SULF2: variants seen among roughly 807,000 people sequenced by gnomAD.
SULF2 encodes extracellular sulfatase Sulf-2.
A neutral mutation model predicts 107.7 loss-of-function variants in SULF2; 52 were observed. The observed-to-expected ratio is 0.48, with a 90% CI of 0.39 to 0.61. SULF2 has a LOEUF of 0.61. Ranked by LOEUF, SULF2 falls within the 20% of genes least tolerant of loss-of-function variation. The pLI is 0.00. For synonymous variants in SULF2, 460 were observed against 464.3 expected, an observed-to-expected ratio of 0.99 and a Z score of 0.12; for missense variants, 993 against 1,177.3, an observed-to-expected ratio of 0.84 and a Z score of 2.29.
chr20:47,780,362 A>G (rs968179219), intron 1 of SULF2, among the ~76,000 whole-genome samples: 1 of 152,050 alleles, frequency 6.6e-6, no homozygotes, highest in East Asian at 1.9e-4. Flanking sequence ...TGTCTTGGAC[A>G]GGCCCCTCCC....
chr20:47,726,080 C>T (rs2089435249), intron 3 of SULF2, among the ~76,000 whole-genome samples: 1 of 152,148 alleles, frequency 6.6e-6, no homozygotes, highest in South Asian at 2.1e-4. Context: ...GATTGGATTA[C>T]AGATGAGGAA....
At chr20:47,745,391 A>T (rs1230567415) in intron 2 of SULF2, among the ~76,000 whole-genome samples, 2 of 13,834 alleles carry the variant, frequency 1.4e-4, no homozygotes, top group African/African-American at 1.8e-3. Flanking sequence ...GGAAAAAAAA[A>T]AAAAAAAAAA....
intron 2 of SULF2, among the ~76,000 whole-genome samples, chr20:47,743,662 T>C (rs1004415141): frequency 1.3e-5 from 2 of 152,206 alleles, no homozygotes; most frequent in African/African-American, 2.4e-5. Flanking sequence ...CGTTGCTCTT[T>C]GTCTTCCAGT....
chr20:47,725,776 G>A (rs186384762), intron 3 of SULF2, among the ~76,000 whole-genome samples: 1 of 152,296 alleles, frequency 6.6e-6, no homozygotes, highest in African/African-American at 2.4e-5. Context: ...TGCATTTGGA[G>A]CCCCCAGGCT....
chr20:47,695,599 G>A (rs987606641), intron 4 of SULF2, among the ~76,000 whole-genome samples: 3 of 152,148 alleles, frequency 2.0e-5, no homozygotes, highest in African/African-American at 7.2e-5. Context: ...CCATGTTGCT[G>A]CATATGATAG....
At chr20:47,743,551 C>T (rs999381682) in intron 2 of SULF2, among the ~76,000 whole-genome samples, 1 of 152,184 alleles carries the variant, frequency 6.6e-6, no homozygotes, top group Non-Finnish European at 1.5e-5. Context: ...CTCAAGTGAT[C>T]CTCCTTCCTT....
chr20:47,712,519 T>C (rs2088966086), intron 3 of SULF2, among the ~76,000 whole-genome samples: 1 of 152,136 alleles, frequency 6.6e-6, no homozygotes, highest in South Asian at 2.1e-4. Context: ...TTTCCCCAAC[T>C]AGGGTGTGGG....
At chr20:47,751,424 A>G (rs534746621) in intron 2 of SULF2, among the ~76,000 whole-genome samples, 8 of 152,334 alleles carry the variant, frequency 5.3e-5, no homozygotes, top group African/African-American at 1.9e-4. Flanking sequence ...AATCTGGTTG[A>G]CCAGAAGTCC....
rs1333463857 is a variant in SULF2 at position 47,736,734 on chromosome 20, G to C, written c.384C>G (p.Ala128=). The part of the protein sequence containing the change: ...WQAQHESRTF[A]VYLNSTGYRT... ...GGTAGCCAGTGCTATTGAGGTACAC[G>C]GCAAAGGTGCGGCTCTCGTGCTGTG... Residue 128 remains alanine (A), a synonymous_variant, in exon 3 of 21, where the codon GCC becomes GCG. Transcript: ENST00000688720. The C allele has an allele frequency of 1.9e-6, 3 of 1,614,066 alleles. No individual in the cohort carries two copies. Among genetic ancestry groups the C allele is most frequent in the Admixed American group, 3.3e-5 (2 of 60,010 alleles).
At chr20:47,709,827 T>C (rs1355688583) in intron 3 of SULF2, among the ~76,000 whole-genome samples, 1 of 149,954 alleles carries the variant, frequency 6.7e-6, no homozygotes, top group Non-Finnish European at 1.5e-5. Context: ...ACAGAAGAGA[T>C]AGAGAGATAC....
chr20:47,760,356 G>A (rs578184420), intron 1 of SULF2, among the ~76,000 whole-genome samples: 1 of 152,232 alleles, frequency 6.6e-6, no homozygotes, highest in South Asian at 2.1e-4. Flanking sequence ...CCTCCCGCAC[G>A]CAGTAGCTCC....
At chr20:47,753,693 A>T (rs2090213850) in intron 2 of SULF2, among the ~76,000 whole-genome samples, 1 of 152,254 alleles carries the variant, frequency 6.6e-6, no homozygotes, top group African/African-American at 2.4e-5. Flanking sequence ...CATAGATCAG[A>T]ACTGGGATGC....
intron 3 of SULF2, among the ~76,000 whole-genome samples, chr20:47,734,512 A>G (rs187985823): frequency 6.6e-6 from 1 of 152,236 alleles, no homozygotes; most frequent in African/African-American, 2.4e-5. Context: ...ATCTTTAAAA[A>G]CATTTCCACT....
At chr20:47,773,583 T>G (rs2090671336) in intron 1 of SULF2, among the ~76,000 whole-genome samples, 1 of 152,252 alleles carries the variant, frequency 6.6e-6, no homozygotes, top group South Asian at 2.1e-4. Context: ...TCTGGCTGTT[T>G]AGAGGAAGTA....
intron 3 of SULF2, among the ~76,000 whole-genome samples, chr20:47,717,266 C>A (rs186936229): frequency 2.3e-4 from 35 of 152,136 alleles, no homozygotes; most frequent in Non-Finnish European, 4.3e-4. Flanking sequence ...TTTTTTTGGT[C>A]CCTATTTTAC....
chr20:47,681,367 G>A (rs181143887), intron 7 of SULF2, among the ~76,000 whole-genome samples: 5 of 152,270 alleles, frequency 3.3e-5, no homozygotes, highest in Admixed American at 6.5e-5. Context: ...AACCTGACAT[G>A]AGCACTCTCT....
chr20:47,746,056 G>A (rs1048931307), intron 2 of SULF2, among the ~76,000 whole-genome samples: 9 of 152,220 alleles, frequency 5.9e-5, no homozygotes, highest in Non-Finnish European at 1.3e-4. Flanking sequence ...CAGTGGGCTG[G>A]ACCTGAGTAG....
Position 47,701,235 on chromosome 20 carries a change from T to C in SULF2, c.567+1284A>G, listed in dbSNP as rs1262128157. Among the ~76,000 whole-genome samples, 11 of 152,328 alleles carry C rather than the reference T, an allele frequency of 7.2e-5. No individual in the cohort carries two copies. The South Asian group carries it at 1.9e-3, about 26-fold the overall frequency. On this transcript the variant is annotated intron_variant, in intron 4 of 20. Transcript: ENST00000688720. ...TAGAATAGGCAAAAATAATCCACGC[T>C]GTCAGAAGTCAGAGTAGACGTCATC...
chr20:47,715,714 T>C, intron 3 of SULF2, among the ~76,000 whole-genome samples: 1 of 151,938 alleles, frequency 6.6e-6, no homozygotes, highest in Non-Finnish European at 1.5e-5. Context: ...CCCGACTGGC[T>C]GGGATTACAG....
Sources: allele counts gnomAD v4.1 joint callset (sites outside exome capture counted in the v4.1 genomes callset), GRCh38; gene constraint gnomAD v4.1.1; transcripts MANE v1.5; gene names NCBI Gene and HGNC (gene_info 2026-07-23, HGNC 2026-07-21).